RB1: variants seen among roughly 807,000 people sequenced by gnomAD.
RB1 encodes RB transcriptional corepressor 1, also known as retinoblastoma-associated protein.
RB1 carries 18 observed loss-of-function variants against 135.4 expected under a neutral mutation model. That is an observed-to-expected ratio of 0.13 (90% CI 0.09 to 0.20). The LOEUF is 0.20. RB1 is among the 10% of genes least tolerant of loss of function. RB1 has a pLI of 1.00. For synonymous variants in RB1, 365 were observed against 373.2 expected (o/e 0.98, Z 0.25); for missense variants, 868 against 1,110.0 (o/e 0.78, Z 3.10).
At chr13:48,317,116 CAA>C (rs1300709265) in intron 2 of RB1, 90 of 904,666 alleles carry the variant, frequency 9.9e-5, no homozygotes, top group Non-Finnish European at 4.5e-6. Context: ...TGTGGGCTTC[CAA>C]AGACAGGGCT....
At chr13:48,477,975 C>T in intron 26 of RB1, among the ~76,000 whole-genome samples, 1 of 151,610 alleles carries the variant, frequency 6.6e-6, no homozygotes, top group East Asian at 1.9e-4. Context: ...TGAGACTAGA[C>T]AAAAAAAATA....
chr13:48,369,872 T>G (rs1952740120), intron 11 of RB1, among the ~76,000 whole-genome samples: 1 of 152,202 alleles, frequency 6.6e-6, no homozygotes, highest in Non-Finnish European at 1.5e-5. Flanking sequence ...ATAGATTCAT[T>G]TGTGTTTGCT....
intron 7 of RB1, 43 bp from the exon 8 acceptor site, chr13:48,362,772 G>A: frequency 6.3e-7 from 1 of 1,575,482 alleles, no homozygotes; most frequent in Non-Finnish European, 8.7e-7. Flanking sequence ...TATTTTATAT[G>A]ATGGATGTAC....
intron 17 of RB1, chr13:48,401,207 C>T (rs1948689072): frequency 6.6e-6 from 1 of 152,082 alleles, no homozygotes; most frequent in Admixed American, 6.6e-5. Context: ...GATGGAAGCA[C>T]ATATACTCTT....
chr13:48,408,204 T>G (rs1948756824), intron 17 of RB1, among the ~76,000 whole-genome samples: 2 of 152,018 alleles, frequency 1.3e-5, no homozygotes, highest in Non-Finnish European at 2.9e-5. Flanking sequence ...ATGTAGAATA[T>G]TAAGGTTCAT....
chr13:48,328,243 G>A, intron 2 of RB1: 1 of 1,462,948 alleles, frequency 6.8e-7, no homozygotes, highest in Non-Finnish European at 9.6e-7. Flanking sequence ...GCTTCTGGAG[G>A]CCTTTCCTCT....
chr13:48,480,379 G>A lies in RB1; in HGVS notation c.*308G>A. ...TGGATAGTAAGAATGGCCCTAGAGT[G>A]GGAGTCCTGATAACCCAGGCCTGTC... is the stretch of plus-strand genomic sequence containing the variant. On this transcript the variant is annotated 3_prime_UTR_variant, in exon 27 of 27. Transcript: ENST00000267163. The A allele has an allele frequency of 4.7e-6, 2 of 426,000 alleles. No homozygotes were observed. Among genetic ancestry groups the A allele is most frequent in the South Asian group, 2.8e-5 (1 of 36,328 alleles). The allele number at this position is 426,000 out of a possible 1,614,324, so 26.4% of individuals were successfully genotyped here.
At chr13:48,321,340 C>T (rs767727362) in intron 2 of RB1, among the ~76,000 whole-genome samples, 2 of 121,572 alleles carry the variant, frequency 1.6e-5, no homozygotes, top group Non-Finnish European at 3.4e-5. Context: ...CCCTGTCCAC[C>T]TCGGCTCCCG....
intron 6 of RB1, among the ~76,000 whole-genome samples, chr13:48,350,007 A>G (rs1382088460): frequency 6.6e-6 from 1 of 152,174 alleles, no homozygotes; most frequent in African/African-American, 2.4e-5. Flanking sequence ...TTAAATATTT[A>G]TGCAACTAAT....
At chr13:48,459,567 G>A in intron 19 of RB1, 121 bp from the exon 20 acceptor site, 4 of 984,440 alleles carry the variant, frequency 4.1e-6, no homozygotes, top group African/African-American at 1.6e-5. Flanking sequence ...TGGTAGAAAA[G>A]AGGTTTCTGT....
intron 2 of RB1, among the ~76,000 whole-genome samples, chr13:48,332,790 C>T (rs570225533): frequency 3.3e-5 from 5 of 152,178 alleles, no homozygotes; most frequent in Non-Finnish European, 7.4e-5. Flanking sequence ...CCCTTATCCT[C>T]AGAGGATATG....
intron 23 of RB1, among the ~76,000 whole-genome samples, chr13:48,465,616 C>G (rs944396520): frequency 6.6e-6 from 1 of 151,908 alleles, no homozygotes; most frequent in African/African-American, 2.4e-5. Flanking sequence ...ACGCAGAAGA[C>G]GGGTGATTTC....
chr13:48,408,619 C>T (rs1948760498), intron 17 of RB1: 1 of 152,054 alleles, frequency 6.6e-6, no homozygotes, highest in East Asian at 1.9e-4. Context: ...GAATATATGA[C>T]TTACCACAAA....
intron 20 of RB1, among the ~76,000 whole-genome samples, chr13:48,461,447 C>T (rs565396338): frequency 1.2e-4 from 18 of 152,194 alleles, no homozygotes; most frequent in East Asian, 9.6e-4. Context: ...CACTTTTTGG[C>T]TATTATGAAT....
chr13:48,379,799 A>G (rs1948515825), intron 14 of RB1, 149 bp downstream of exon 14: 1 of 1,106,514 alleles, frequency 9.0e-7, no homozygotes, highest in Admixed American at 2.7e-5. Flanking sequence ...GTCTCTACTA[A>G]AAGTACAAAA....
intron 17 of RB1, among the ~76,000 whole-genome samples, chr13:48,397,379 C>A (rs1443075311): frequency 6.6e-6 from 1 of 152,090 alleles, no homozygotes; most frequent in Non-Finnish European, 1.5e-5. Flanking sequence ...TCATTCTCAG[C>A]AAACTAACCA....
At chr13:48,383,059 A>C (rs1054053682) in intron 17 of RB1, among the ~76,000 whole-genome samples, 85 of 152,252 alleles carry the variant, frequency 5.6e-4, no homozygotes, top group African/African-American at 1.9e-3. Flanking sequence ...AGAATTCTTT[A>C]AAGTATTTAG....
At chr13:48,333,791 T>C (rs1952358465) in intron 2 of RB1, among the ~76,000 whole-genome samples, 1 of 152,008 alleles carries the variant, frequency 6.6e-6, no homozygotes, top group Admixed American at 6.6e-5. Flanking sequence ...AACTTTTTTT[T>C]TTTTTCCTTT....
At chr13:48,452,059 G>T (rs1451777039) in intron 17 of RB1, among the ~76,000 whole-genome samples, 3 of 151,704 alleles carry the variant, frequency 2.0e-5, no homozygotes, top group African/African-American at 7.3e-5. Context: ...CAAAAAATAA[G>T]CTCCTGGATT....
Sources: gnomAD v4.1 joint callset for allele counts (sites outside exome capture counted in the v4.1 genomes callset) on GRCh38, gnomAD v4.1.1 for gene constraint, MANE v1.5 for transcripts, NCBI Gene and HGNC (gene_info 2026-07-23, HGNC 2026-07-21) for gene names.